Variants in NRXN1 observed in about 807,000 individuals in gnomAD.
NRXN1 encodes neurexin 1.
In NRXN1, 39 loss-of-function variants were observed where a neutral mutation model predicts 150.9. The ratio of observed to expected loss-of-function variants is 0.26; its 90% CI spans 0.20 to 0.34. The LOEUF (loss-of-function observed/expected upper bound fraction) is 0.34. Among genes scored for constraint, NRXN1 ranks in the 10% least tolerant of loss-of-function variants. NRXN1 has a pLI of 1.00. For missense variants in NRXN1, 1,815 were observed against 1,949.9 expected, an observed-to-expected ratio of 0.93 and a Z score of 1.30; for synonymous variants, 924 against 757.0, an observed-to-expected ratio of 1.22 and a Z score of -3.62.
At chr2:50,529,482 T>C (rs1215442642) in intron 11 of NRXN1, among the ~76,000 whole-genome samples, 2 of 152,226 alleles carry the variant, frequency 1.3e-5, no homozygotes, top group African/African-American at 4.8e-5. Context: ...ACTGTAATTA[T>C]AGTGGTTATT....
intron 22 of NRXN1, among the ~76,000 whole-genome samples, chr2:49,927,979 C>T (rs7561325): frequency 1.1e-4 from 16 of 151,808 alleles, no homozygotes; most frequent in African/African-American, 2.7e-4. Context: ...ATGTGTATGT[C>T]GTCAACTATG....
chr2:50,958,743 C>G (rs1466783828), intron 2 of NRXN1, among the ~76,000 whole-genome samples: 1 of 152,038 alleles, frequency 6.6e-6, no homozygotes, highest in East Asian at 1.9e-4. Flanking sequence ...TGAATGGAAG[C>G]AGCAAGAGTG....
rs201877761 is a variant in NRXN1, at chr2:50,053,474, T to C, written c.3925A>G (p.Asn1309Asp). The C allele has an allele frequency of 6.2e-6, 10 of 1,613,916 alleles. No homozygotes were observed. The highest frequency in any genetic ancestry group is 8.5e-7 in the Non-Finnish European group (1 of 1,179,956). Residue 1309 changes from asparagine (N) to aspartate (D), a missense_variant, in exon 21 of 23, where the codon AAT becomes GAT. By Grantham distance (23) the Asn-to-Asp change is conservative (BLOSUM62 1). This residue lies in a region of NRXN1 where 265 missense variants were observed against 307.1 expected (regional missense o/e 0.86). Coordinates refer to ENST00000401669, the MANE Select transcript of NRXN1 (RefSeq NM_001330078.2). ...GLYYNGLKVL[N>D]MAAENDANIA... ...TTGGCATCGTTTTCGGCTGCCATAT[T>C]CAGAACTTTCAAGCCATTGTAGTAC...
At chr2:50,355,146 T>A (rs1453657043) in intron 17 of NRXN1, among the ~76,000 whole-genome samples, 2 of 151,834 alleles carry the variant, frequency 1.3e-5, no homozygotes, top group Non-Finnish European at 2.9e-5. Flanking sequence ...ACAATTTGAA[T>A]GCACTGAGAG....
chr2:50,250,410 T>C (rs948731680), intron 17 of NRXN1, among the ~76,000 whole-genome samples: 2 of 149,844 alleles, frequency 1.3e-5, no homozygotes, highest in Admixed American at 6.7e-5. Flanking sequence ...GATCCACTTA[T>C]ATAAATGGAA....
chr2:50,258,748 T>A (rs528393740), intron 17 of NRXN1, among the ~76,000 whole-genome samples: 1 of 152,168 alleles, frequency 6.6e-6, no homozygotes, highest in Non-Finnish European at 1.5e-5. Flanking sequence ...TAAAATGTAT[T>A]TCTTAAATAA....
chr2:50,339,478 C>A (rs2077408073), intron 17 of NRXN1, among the ~76,000 whole-genome samples: 1 of 152,082 alleles, frequency 6.6e-6, no homozygotes. Flanking sequence ...TATACATAAC[C>A]ACATACCTTG....
intron 17 of NRXN1, among the ~76,000 whole-genome samples, chr2:50,367,576 A>T (rs747735178): frequency 1.3e-5 from 2 of 152,044 alleles, no homozygotes; most frequent in African/African-American, 4.8e-5. Flanking sequence ...AATTGAGGAA[A>T]CAAGTCTTTG....
At chr2:50,890,631 T>C (rs911084654) in intron 5 of NRXN1, among the ~76,000 whole-genome samples, 3 of 151,896 alleles carry the variant, frequency 2.0e-5, no homozygotes, top group African/African-American at 7.2e-5. Context: ...TAAGTATGAA[T>C]GTGATTATTG....
intron 12 of NRXN1, among the ~76,000 whole-genome samples, chr2:50,508,159 T>C (rs951354172): frequency 1.3e-5 from 2 of 152,210 alleles, no homozygotes; most frequent in East Asian, 3.8e-4. Flanking sequence ...TCAAGTGTTG[T>C]ATCCTTGGCT....
intron 17 of NRXN1, among the ~76,000 whole-genome samples, chr2:50,285,322 T>C (rs1236946866): frequency 6.6e-6 from 1 of 152,186 alleles, no homozygotes; most frequent in Non-Finnish European, 1.5e-5. Flanking sequence ...TAGTTCAGAG[T>C]TTGGGATGGT....
intron 19 of NRXN1, among the ~76,000 whole-genome samples, chr2:50,067,303 A>C (rs1695514358): frequency 1.3e-5 from 2 of 152,336 alleles, no homozygotes; most frequent in South Asian, 2.1e-4. Flanking sequence ...TTTTACACAA[A>C]GATTTGTACA....
intron 8 of NRXN1, among the ~76,000 whole-genome samples, chr2:50,566,097 C>T (rs924530922): frequency 1.3e-5 from 2 of 152,212 alleles, no homozygotes; most frequent in Admixed American, 6.5e-5. Flanking sequence ...CATAAACACA[C>T]GTTCCTCACT....
chr2:50,359,818 G>C (rs993162323), intron 17 of NRXN1, among the ~76,000 whole-genome samples: 1 of 152,024 alleles, frequency 6.6e-6, no homozygotes, highest in Admixed American at 6.6e-5. Context: ...GATTCACCAA[G>C]GTTGAAATGA....
At chr2:50,700,207 A>G (rs774640030) in intron 5 of NRXN1, among the ~76,000 whole-genome samples, 4 of 152,222 alleles carry the variant, frequency 2.6e-5, no homozygotes, top group Non-Finnish European at 5.9e-5. Flanking sequence ...AAAGTCATCT[A>G]AACTGTTAGT....
chr2:50,806,778 A>C (rs1667570411), intron 5 of NRXN1, among the ~76,000 whole-genome samples: 1 of 152,086 alleles, frequency 6.6e-6, no homozygotes, highest in Non-Finnish European at 1.5e-5. Flanking sequence ...AGTCCTGCCT[A>C]AAGTTTTATA....
Position 50,329,994 on chromosome 2 carries a change from G to GA in NRXN1, c.3365-93025dup, listed in dbSNP as rs1292476104. ...GCCAGTGTTTATAAAATTTTTAATGGAAAAAAATCTATCTGTCCAATATCA... is the reference window on the plus strand; with the variant it reads ...GCCAGTGTTTATAAAATTTTTAATGGAAAAAAAATCTATCTGTCCAATATCA... On this transcript the variant is annotated intron_variant, in intron 17 of 22. Coordinates refer to ENST00000401669, the MANE Select transcript of NRXN1 (RefSeq NM_001330078.2). 5.3e-5 allele frequency among the ~76,000 whole-genome samples: 8 copies of GA among 151,760 alleles called. No homozygotes were observed. In the East Asian group the frequency reaches 1.6e-3, roughly 30 times the overall value.
At chr2:50,607,704 G>A (rs999908330) in intron 8 of NRXN1, among the ~76,000 whole-genome samples, 5 of 149,328 alleles carry the variant, frequency 3.3e-5, no homozygotes, top group African/African-American at 1.2e-4. Flanking sequence ...ATTTTGGCAA[G>A]TGAAAAATTT....
intron 17 of NRXN1, among the ~76,000 whole-genome samples, chr2:50,324,476 T>C (rs2076257587): frequency 6.6e-6 from 1 of 152,236 alleles, no homozygotes; most frequent in Non-Finnish European, 1.5e-5. Flanking sequence ...GTTGGGGGAA[T>C]CCTAGCAGTG....
Sources: gnomAD v4.1 joint callset for allele counts (sites outside exome capture counted in the v4.1 genomes callset) on GRCh38, gnomAD v4.1.1 for gene constraint, gnomAD v4.1.1 regional missense constraint, MANE v1.5 for transcripts, NCBI Gene and HGNC (gene_info 2026-07-23, HGNC 2026-07-21) for gene names.